Variants in CDH6 observed in about 807,000 individuals in gnomAD.
The protein encoded by CDH6 is cadherin 6.
In CDH6, 31 loss-of-function variants were observed where a neutral mutation model predicts 78.0. That is an observed-to-expected ratio of 0.40 (90% CI 0.30 to 0.54). The LOEUF (loss-of-function observed/expected upper bound fraction) is 0.54, where lower values mean the gene tolerates loss of function less well. Ranked by LOEUF, CDH6 falls within the 20% of genes least tolerant of loss-of-function variation. CDH6 has a pLI of 0.56. For missense variants in CDH6, 724 were observed against 975.9 expected, an observed-to-expected ratio of 0.74 and a Z score of 3.44; for synonymous variants, 376 against 368.8, an observed-to-expected ratio of 1.02 and a Z score of -0.23.
intron 2 of CDH6, among the ~76,000 whole-genome samples, chr5:31,284,872 T>G (rs540628539): frequency 3.2e-4 from 49 of 152,358 alleles, no homozygotes; most frequent in African/African-American, 1.2e-3. Flanking sequence ...AAAGGCCATG[T>G]GGCTTCCTCT....
intron 1 of CDH6, among the ~76,000 whole-genome samples, chr5:31,232,254 C>CA (rs1480908259): frequency 6.6e-6 from 1 of 152,136 alleles, no homozygotes; most frequent in Non-Finnish European, 1.5e-5. Context: ...TTGAAGTTCT[C>CA]AAAAAAGTGT....
chr5:31,218,439 T>C (rs1044382450), intron 1 of CDH6, among the ~76,000 whole-genome samples: 10 of 152,160 alleles, frequency 6.6e-5, no homozygotes, highest in African/African-American at 2.2e-4. Flanking sequence ...GTAGAAATTG[T>C]AGATATGAGA....
In CDH6 at chr5:31,202,410, G is replaced by A. The variant is rs948996721; in HGVS notation, c.-129+8524G>A. Among the ~76,000 whole-genome samples the A allele has an allele frequency of 3.3e-5, 5 of 152,020 alleles. No homozygotes were observed. In the East Asian group the frequency reaches 5.8e-4, roughly 18 times the overall value. On this transcript the variant is annotated intron_variant, in intron 1 of 11. Coordinates refer to ENST00000265071, the MANE Select transcript of CDH6 (RefSeq NM_004932.4). The stretch of plus-strand genomic sequence containing the variant: ...AGCACTTTGGGAGGCCAAGGCAGGC[G>A]GATCAACTGAGGTTAGGAGTTTGAG...
intron 1 of CDH6, among the ~76,000 whole-genome samples, chr5:31,232,995 G>A (rs956157615): frequency 6.6e-6 from 1 of 152,124 alleles, no homozygotes; most frequent in African/African-American, 2.4e-5. Context: ...GAATATGGAA[G>A]AGCCAGTGTG....
At chr5:31,287,675 GT>G (rs1367747754) in intron 2 of CDH6, among the ~76,000 whole-genome samples, 1 of 152,232 alleles carries the variant, frequency 6.6e-6, no homozygotes, top group East Asian at 1.9e-4. Context: ...GATTGTACTA[GT>G]TAAGGCAGTG....
At chr5:31,292,088 CTT>C (rs1213900227) in intron 2 of CDH6, among the ~76,000 whole-genome samples, 1 of 152,216 alleles carries the variant, frequency 6.6e-6, no homozygotes, top group Non-Finnish European at 1.5e-5. Flanking sequence ...TCTTCAGACT[CTT>C]TTCCCATGAG....
chr5:31,229,120 T>A (rs914015750), intron 1 of CDH6, among the ~76,000 whole-genome samples: 14 of 152,150 alleles, frequency 9.2e-5, no homozygotes, highest in African/African-American at 3.4e-4. Context: ...CCAAACTATA[T>A]CATTTTATTT....
Position 31,327,604 on chromosome 5 carries a change from G to T in CDH6, c.*4296G>T. ...GAGTAGAAAAATTAACACTTGGTGT[G>T]TGAATCTTCAGGAAAATGAGCTATT... is the stretch of plus-strand genomic sequence containing the variant. On this transcript the variant is annotated 3_prime_UTR_variant, in exon 12 of 12. Transcript: ENST00000265071. 5.1e-6 allele frequency: 1 copy of T among 197,430 alleles called. No homozygotes were observed. The highest frequency in any genetic ancestry group is 1.0e-5 in the Non-Finnish European group (1 of 95,244). 12.2% of individuals were successfully genotyped at this position (197,430 alleles called of 1,614,324 possible).
intron 1 of CDH6, among the ~76,000 whole-genome samples, chr5:31,248,337 A>G (rs146356818): frequency 1.6e-4 from 25 of 152,314 alleles, no homozygotes; most frequent in African/African-American, 4.8e-4. Flanking sequence ...ACTCATTTCC[A>G]ACTACTCTGT....
chr5:31,225,718 T>C (rs1202624266), intron 1 of CDH6, among the ~76,000 whole-genome samples: 1 of 152,098 alleles, frequency 6.6e-6, no homozygotes, highest in African/African-American at 2.4e-5. Context: ...ATCAGGCCTA[T>C]CCTCCAACAG....
At chr5:31,272,872 T>G (rs1742567109) in intron 2 of CDH6, among the ~76,000 whole-genome samples, 1 of 152,194 alleles carries the variant, frequency 6.6e-6, no homozygotes, top group Non-Finnish European at 1.5e-5. Context: ...GGTGTTGGTT[T>G]TGGGGGGATA....
rs144307139 is a variant in CDH6 at position 31,272,768 on chromosome 5, C to T, written c.228+5067C>T. On this transcript the variant is annotated intron_variant, in intron 2 of 11. Coordinates refer to ENST00000265071, the MANE Select transcript of CDH6 (RefSeq NM_004932.4). ...TAAGACCAGCCTCCACTAACGCATT[C>T]GAGGTGCTTCTATTTTTAGTAACAT... 3.4e-3 allele frequency among the ~76,000 whole-genome samples: 516 copies of T among 152,230 alleles called. 4 individuals are homozygous for T. The highest frequency in any genetic ancestry group is 0.012 in the African/African-American group (479 of 41,532).
chr5:31,294,300 T>G lies in CDH6; in HGVS notation c.523+44T>G. The G allele has an allele frequency of 6.6e-7, 1 of 1,523,530 alleles. No homozygotes were observed. Among genetic ancestry groups the G allele is most frequent in the Non-Finnish European group, 9.0e-7 (1 of 1,114,024 alleles). 94.4% of individuals were successfully genotyped at this position (1,523,530 alleles called of 1,614,324 possible). A position where few individuals can be genotyped will look rare whatever the true frequency, so the allele number is the denominator to read the frequency against. On this transcript the variant is annotated intron_variant, in intron 3 of 11. Transcript: ENST00000265071. This position sits in a 1 kb window ranked among gnomAD's most constrained non-coding sequence, Gnocchi z 4.1. ...CAGCCAAAAGCTGGCTTTCCCCTAG[T>G]GCATCCACTGAGTAAGGAATCCCAC... is the stretch of plus-strand genomic sequence containing the variant.
intron 2 of CDH6, among the ~76,000 whole-genome samples, chr5:31,287,137 G>A (rs539410459): frequency 6.6e-6 from 1 of 152,260 alleles, no homozygotes; most frequent in Admixed American, 6.5e-5. Flanking sequence ...GGCACTGATG[G>A]TACAGAGATA....
chr5:31,242,789 A>T (rs929212155), intron 1 of CDH6, among the ~76,000 whole-genome samples: 2 of 150,704 alleles, frequency 1.3e-5, no homozygotes, highest in Non-Finnish European at 3.0e-5. Context: ...TGAGAGGCTG[A>T]GGTGGGAGGA....
intron 4 of CDH6, among the ~76,000 whole-genome samples, chr5:31,297,860 T>C (rs1307962652): frequency 6.6e-6 from 1 of 152,204 alleles, no homozygotes; most frequent in East Asian, 1.9e-4. Flanking sequence ...TCAAAGCTGG[T>C]ACACAATCTG....
intron 1 of CDH6, among the ~76,000 whole-genome samples, chr5:31,220,754 G>A (rs1172671342): frequency 6.6e-6 from 1 of 152,148 alleles, no homozygotes; most frequent in Non-Finnish European, 1.5e-5. Flanking sequence ...TCGTAACAGT[G>A]ATATTTTATC....
chr5:31,238,014 T>C (rs748718761), intron 1 of CDH6, among the ~76,000 whole-genome samples: 17 of 152,220 alleles, frequency 1.1e-4, no homozygotes, highest in Non-Finnish European at 1.9e-4. Context: ...TGGATGTTAA[T>C]TCCTTTCTCT....
At position 31,242,712 on chromosome 5, in the gene CDH6, G is replaced by A. The variant is rs572951701; in HGVS notation, c.-128-24634G>A. 1.0e-4 allele frequency among the ~76,000 whole-genome samples: 15 copies of A among 150,248 alleles called. 1 individual carries two copies. In the South Asian group the frequency reaches 2.3e-3, roughly 23 times the overall value. ...CTACAGAATAAGAATGGGGGGGGGCGGTTAGAAGAAAATATATACCACATT... is the reference window on the plus strand; with the variant it reads ...CTACAGAATAAGAATGGGGGGGGGCAGTTAGAAGAAAATATATACCACATT... On this transcript the variant is annotated intron_variant, in intron 1 of 11. Transcript: ENST00000265071.
Sources: allele counts gnomAD v4.1 joint callset (sites outside exome capture counted in the v4.1 genomes callset), GRCh38; gene constraint gnomAD v4.1.1; non-coding constraint Gnocchi (gnomAD v3.1); transcripts MANE v1.5; gene names NCBI Gene and HGNC (gene_info 2026-07-23, HGNC 2026-07-21).